Variants in ZNF239 observed in about 807,000 individuals in gnomAD.
The protein encoded by ZNF239 is zinc finger protein (C2H2) homologous to mouse MOK-2.
A neutral mutation model predicts 27.5 loss-of-function variants in ZNF239; 16 were observed. The observed-to-expected ratio is 0.58, with a 90% CI of 0.39 to 0.88. ZNF239 has a LOEUF of 0.88. Among genes scored for constraint, ZNF239 ranks in the 40% least tolerant of loss-of-function variants. ZNF239 has a pLI of 0.00. For synonymous variants in ZNF239, 199 were observed against 192.6 expected (o/e 1.03, Z -0.27); for missense variants, 527 against 551.9 (o/e 0.95, Z 0.45).
chr10:43,556,710 G>C lies in ZNF239; in HGVS notation c.1370C>G (p.Pro457Arg). ...HIHQRVHKKD[P>R]R The stretch of plus-strand genomic sequence containing the variant: ...TGAATGGGCTAATGTCAGTTAGCGA[G>C]GATCTTTCTTGTGAACCCGCTGGTG... Residue 457 changes from proline (P) to arginine (R), a missense_variant, in exon 4 of 4, where the codon CCT becomes CGT. Transcript: ENST00000374446. 7 of 1,612,796 alleles carry C rather than the reference G, an allele frequency of 4.3e-6. No individual in the cohort carries two copies. Among genetic ancestry groups the C allele is most frequent in the Non-Finnish European group, 5.9e-6 (7 of 1,179,276 alleles).
rs1836755802 is a variant in ZNF239 at position 43,556,659 on chromosome 10, TTTACA to T, written c.*39_*43del. On this transcript the variant is annotated 3_prime_UTR_variant, in exon 4 of 4. Transcript: ENST00000374446. The stretch of plus-strand genomic sequence containing the variant: ...GAGTGATACTAAATATTTAACAGTT[TTTACA>T]GTATGAGCGCTGTGAAGACCTGAAT... The T allele has an allele frequency of 6.4e-7, 1 of 1,570,994 alleles. No homozygotes were observed. Among genetic ancestry groups the T allele is most frequent in the African/African-American group, 1.4e-5 (1 of 73,538 alleles).
rs557880868 is a variant in ZNF239, at chr10:43,568,381, C to G, written c.-215-360G>C. Reference sequence around the variant, plus strand: ...AGGAACAATTTACCCAACACTCTGACCTCACATTTCTTAATCTCCACAGTG... The same window carrying G: ...AGGAACAATTTACCCAACACTCTGAGCTCACATTTCTTAATCTCCACAGTG... On this transcript the variant is annotated intron_variant, in intron 2 of 3. Transcript: ENST00000374446. The G allele has an allele frequency of 5.1e-6, 5 of 985,318 alleles. No individual in the cohort carries two copies. In the African/African-American group the frequency reaches 8.7e-5, roughly 17 times the overall value. 61.0% of individuals were successfully genotyped at this position (985,318 alleles called of 1,614,324 possible).
At chr10:43,571,975 G>T (rs2132311071) in intron 2 of ZNF239, among the ~76,000 whole-genome samples, 1 of 152,214 alleles carries the variant, frequency 6.6e-6, no homozygotes, top group South Asian at 2.1e-4. Context: ...CATAAAGATG[G>T]TCAAGCCCAA....
At chr10:43,561,583 T>G (rs1489952874) in intron 3 of ZNF239, among the ~76,000 whole-genome samples, 1 of 152,226 alleles carries the variant, frequency 6.6e-6, no homozygotes, top group African/African-American at 2.4e-5. Context: ...ACGAAAAGAT[T>G]CAATTACTAA....
chr10:43,556,652 AAC>A lies in ZNF239; in HGVS notation c.*49_*50del, dbSNP rs755159904. ...AAAGTAAGAGTGATACTAAATATTT[AAC>A]AGTTTTTACAGTATGAGCGCTGTGA... On this transcript the variant is annotated 3_prime_UTR_variant, in exon 4 of 4. Coordinates refer to ENST00000374446, the MANE Select transcript of ZNF239 (RefSeq NM_001099282.2). The A allele has an allele frequency of 8.3e-6, 13 of 1,557,376 alleles. No individual in the cohort carries two copies. The East Asian group carries it at 2.5e-4, about 30-fold the overall frequency.
intron 3 of ZNF239, among the ~76,000 whole-genome samples, chr10:43,564,555 A>G (rs1455275355): frequency 6.6e-6 from 1 of 152,040 alleles, no homozygotes; most frequent in East Asian, 1.9e-4. Context: ...AAATTTTTTT[A>G]TTTTGAGACA....
chr10:43,567,622 T>C (rs774873027), intron 3 of ZNF239, among the ~76,000 whole-genome samples: 2 of 152,228 alleles, frequency 1.3e-5, no homozygotes, highest in East Asian at 1.9e-4. Context: ...CTTGCTATTA[T>C]ATAATGATCT....
rs145644378 is a variant in ZNF239, at chr10:43,559,445, T to C, written c.-92-1274A>G. On this transcript the variant is annotated intron_variant, in intron 3 of 3. Transcript: ENST00000374446. Reference sequence around the variant, plus strand: ...AGAAAGGAGGCACCAAGCCTGTTCCTTGGGATTCCTGCCTGAGTGACGGTA... The same window carrying C: ...AGAAAGGAGGCACCAAGCCTGTTCCCTGGGATTCCTGCCTGAGTGACGGTA... Among the ~76,000 whole-genome samples, 692 of 152,304 alleles carry C rather than the reference T, an allele frequency of 4.5e-3. 22 individuals carry two copies. The highest frequency in any genetic ancestry group is 0.038 in the Admixed American group (583 of 15,296).
At chr10:43,573,073 CCA>C (rs1331681783) in intron 2 of ZNF239, among the ~76,000 whole-genome samples, 4 of 152,258 alleles carry the variant, frequency 2.6e-5, no homozygotes, top group Middle Eastern at 3.4e-3. Flanking sequence ...TTAAAAAACA[CCA>C]CAGAGAGTTC....
At chr10:43,568,783 C>T (rs979006709) in intron 2 of ZNF239, among the ~76,000 whole-genome samples, 1 of 152,196 alleles carries the variant, frequency 6.6e-6, no homozygotes, top group Non-Finnish European at 1.5e-5. Context: ...GGCACGATGG[C>T]TCACGGCTGT....
chr10:43,567,558 G>A (rs748762960), intron 3 of ZNF239, among the ~76,000 whole-genome samples: 1 of 152,196 alleles, frequency 6.6e-6, no homozygotes, highest in Non-Finnish European at 1.5e-5. Flanking sequence ...TTCCTCTGCT[G>A]TGGATTAGCC....
At chr10:43,567,529 T>C (rs1469245230) in intron 3 of ZNF239, among the ~76,000 whole-genome samples, 1 of 152,204 alleles carries the variant, frequency 6.6e-6, no homozygotes, top group Non-Finnish European at 1.5e-5. Flanking sequence ...AGATAACTCC[T>C]GGAACGTTGA....
At chr10:43,567,092 C>G (rs1428414155) in intron 3 of ZNF239, among the ~76,000 whole-genome samples, 3 of 123,168 alleles carry the variant, frequency 2.4e-5, no homozygotes, top group Admixed American at 8.9e-5. Context: ...AAGAGGGAGA[C>G]TCCGTCTCAA....
rs1838249653 is a variant in ZNF239, at chr10:43,574,616, C to T, written c.-333G>A. The T allele has an allele frequency of 6.6e-6, 1 of 152,272 alleles. No homozygotes were observed. The highest frequency in any genetic ancestry group is 2.1e-4 in the South Asian group (1 of 4,836). The allele number at this position is 152,272 out of a possible 1,614,324, so 9.4% of individuals were successfully genotyped here. A position where few individuals can be genotyped will look rare whatever the true frequency, so the allele number is the denominator to read the frequency against. On this transcript the variant is annotated 5_prime_UTR_variant, in exon 1 of 4. Transcript: ENST00000374446. ...CTCGCGCGCCTAGGGCCCCGAAATA[C>T]AAGTCCCAGCAAGCCGCGGGCGAAC...
intron 3 of ZNF239, among the ~76,000 whole-genome samples, chr10:43,563,477 A>G (rs1419618312): frequency 6.6e-6 from 1 of 152,216 alleles, no homozygotes; most frequent in Non-Finnish European, 1.5e-5. Flanking sequence ...GTGTAATCTC[A>G]TAAAATTTTA....
intron 3 of ZNF239, among the ~76,000 whole-genome samples, chr10:43,567,189 T>A (rs766445489): frequency 2.6e-5 from 4 of 152,198 alleles, no homozygotes; most frequent in Non-Finnish European, 5.9e-5. Flanking sequence ...TTGTAGGGTA[T>A]GAGAGTGTCT....
At chr10:43,571,276 T>C (rs1838015268) in intron 2 of ZNF239, among the ~76,000 whole-genome samples, 1 of 149,090 alleles carries the variant, frequency 6.7e-6, no homozygotes, top group African/African-American at 2.5e-5. Flanking sequence ...ACAATTTACT[T>C]TGAAGTGGAA....
chr10:43,556,844 A>G lies in ZNF239; in HGVS notation c.1236T>C (p.Phe412=). ...GGATGAGGAGTTTGGAACTCTGGCTAAATCCCTTCCCACACTTGCCACAGT... is the reference window on the plus strand; with the variant it reads ...GGATGAGGAGTTTGGAACTCTGGCTGAATCCCTTCCCACACTTGCCACAGT... ...PYHCGKCGKG[F]SQSSKLLIHQ... The change falls in exon 4 of 4, where the codon TTT becomes TTC. Residue 412 remains phenylalanine, a synonymous_variant. Coordinates refer to ENST00000374446, the MANE Select transcript of ZNF239 (RefSeq NM_001099282.2). The G allele has an allele frequency of 6.2e-7, 1 of 1,612,638 alleles. No individual in the cohort carries two copies. Among genetic ancestry groups the G allele is most frequent in the Non-Finnish European group, 8.5e-7 (1 of 1,179,622 alleles).
intron 2 of ZNF239, among the ~76,000 whole-genome samples, chr10:43,572,271 G>T (rs538459651): frequency 6.3e-4 from 96 of 152,312 alleles, no homozygotes; most frequent in South Asian, 1.7e-3. Context: ...AGCGAAGGAA[G>T]GAAAATGTAT....
Sources: gnomAD v4.1 joint callset for allele counts (sites outside exome capture counted in the v4.1 genomes callset) on GRCh38, gnomAD v4.1.1 for gene constraint, MANE v1.5 for transcripts, NCBI Gene and HGNC (gene_info 2026-07-23, HGNC 2026-07-21) for gene names.